GABRG3: variants seen among roughly 807,000 people sequenced by gnomAD.
The protein encoded by GABRG3 is gamma-aminobutyric acid type A receptor subunit gamma3.
Under a neutral mutation model 48.8 loss-of-function variants are expected in GABRG3, and 25 were observed. The ratio of observed to expected loss-of-function variants is 0.51; its 90% CI spans 0.37 to 0.72. The LOEUF (loss-of-function observed/expected upper bound fraction) is 0.72, where lower values mean the gene tolerates loss of function less well. GABRG3 is among the 30% of genes least tolerant of loss of function. The pLI, the probability that GABRG3 is intolerant of heterozygous loss-of-function variation, is 0.00. For synonymous variants in GABRG3, 227 were observed against 217.6 expected (o/e 1.04, Z -0.38); for missense variants, 394 against 577.9 (o/e 0.68, Z 3.26).
chr15:27,402,028 G>A (rs1368158207), intron 5 of GABRG3, among the ~76,000 whole-genome samples: 1 of 152,162 alleles, frequency 6.6e-6, no homozygotes, highest in Non-Finnish European at 1.5e-5. Flanking sequence ...CATTATTACA[G>A]TGATGATTTT....
Position 27,019,635 on chromosome 15 carries a change from T to C in GABRG3, c.203-7119T>C, listed in dbSNP as rs1240089837. Among the ~76,000 whole-genome samples, 5 of 152,094 alleles carry C rather than the reference T, an allele frequency of 3.3e-5. No homozygotes were observed. The South Asian group carries it at 6.2e-4, about 19-fold the overall frequency. ...GAGAGAAGGCAGAACTGAAGGAAGG[T>C]TGGTGATGGGGTGTAGGGGATCCTC... On this transcript the variant is annotated intron_variant, in intron 2 of 9. Transcript: ENST00000615808.
intron 3 of GABRG3, among the ~76,000 whole-genome samples, chr15:27,158,760 A>G (rs1898499585): frequency 6.6e-6 from 1 of 152,208 alleles, no homozygotes; most frequent in African/African-American, 2.4e-5. Context: ...AACCTTCACT[A>G]TTTCCATGAT....
chr15:27,067,088 A>G (rs1380335584), intron 3 of GABRG3, among the ~76,000 whole-genome samples: 1 of 152,216 alleles, frequency 6.6e-6, no homozygotes, highest in East Asian at 1.9e-4. Context: ...AACATAGCAC[A>G]GCCCTGCCCA....
chr15:27,040,874 TTTC>T (rs1280032451), intron 3 of GABRG3, among the ~76,000 whole-genome samples: 2 of 152,320 alleles, frequency 1.3e-5, no homozygotes, highest in East Asian at 1.9e-4. Flanking sequence ...TTGGTTCTCC[TTTC>T]TTCTTCTGAA....
At chr15:27,515,542 T>TA (rs1890999022) in intron 6 of GABRG3, among the ~76,000 whole-genome samples, 2 of 152,250 alleles carry the variant, frequency 1.3e-5, no homozygotes, top group East Asian at 3.9e-4. Flanking sequence ...TCAGAGAGTA[T>TA]TAAGCTTAGG....
At position 27,094,379 on chromosome 15, in the gene GABRG3, T is replaced by G. The variant is rs189488276; in HGVS notation, c.270+67558T>G. Among the ~76,000 whole-genome samples the G allele has an allele frequency of 8.5e-5, 13 of 152,310 alleles. No individual in the cohort carries two copies. In the East Asian group the frequency reaches 2.5e-3, roughly 29 times the overall value. ...GCAGCTTTTTATTGCACCAGCTGCC[T>G]TCTTAAAAAATTGTCTGCCTCCATA... On this transcript the variant is annotated intron_variant, in intron 3 of 9. Transcript: ENST00000615808.
At chr15:27,030,332 G>A (rs1057492002) in intron 3 of GABRG3, among the ~76,000 whole-genome samples, 1 of 152,022 alleles carries the variant, frequency 6.6e-6, no homozygotes, top group African/African-American at 2.4e-5. Flanking sequence ...GCCTTTTATT[G>A]ATATTATTAA....
At chr15:27,061,254 G>A (rs150111640) in intron 3 of GABRG3, among the ~76,000 whole-genome samples, 3 of 152,250 alleles carry the variant, frequency 2.0e-5, no homozygotes, top group Middle Eastern at 3.4e-3. Context: ...CTCTTACATC[G>A]CTGGTGCAGT....
intron 3 of GABRG3, among the ~76,000 whole-genome samples, chr15:27,288,226 G>T (rs1891680974): frequency 6.6e-6 from 1 of 151,876 alleles, no homozygotes; most frequent in South Asian, 2.1e-4. Flanking sequence ...AACCCATTTT[G>T]TGGAAGACAG....
chr15:27,455,053 A>G (rs938104409), intron 5 of GABRG3, among the ~76,000 whole-genome samples: 2 of 152,204 alleles, frequency 1.3e-5, no homozygotes, highest in African/African-American at 4.8e-5. Flanking sequence ...CTCAGTAAAC[A>G]TTTTCCATTA....
Position 27,088,105 on chromosome 15 carries a change from T to TTGTGTGTG in GABRG3, c.270+61299_270+61306dup, listed in dbSNP as rs59358081. Among the ~76,000 whole-genome samples, 21 of 147,368 alleles carry TTGTGTGTG rather than the reference T, an allele frequency of 1.4e-4. No homozygotes were observed. The East Asian group carries it at 2.2e-3, about 15-fold the overall frequency. ...TGTGAGTGTGTGTGATGTGCCGTGG[T>TTGTGTGTG]TGTGTGTGTGTGTGTGTGTGTGCAC... On this transcript the variant is annotated intron_variant, in intron 3 of 9. Transcript: ENST00000615808.
At chr15:27,415,533 G>A (rs1291893123) in intron 5 of GABRG3, among the ~76,000 whole-genome samples, 1 of 152,060 alleles carries the variant, frequency 6.6e-6, no homozygotes, top group Non-Finnish European at 1.5e-5. Flanking sequence ...GGGACCGGGG[G>A]AAAGGGTGGG....
At chr15:27,176,359 T>G (rs1887746189) in intron 3 of GABRG3, among the ~76,000 whole-genome samples, 1 of 152,146 alleles carries the variant, frequency 6.6e-6, no homozygotes, top group African/African-American at 2.4e-5. Flanking sequence ...ATAAAAGTAA[T>G]AGTATTTCTT....
chr15:27,419,286 G>A (rs997250309), intron 5 of GABRG3, among the ~76,000 whole-genome samples: 2 of 151,924 alleles, frequency 1.3e-5, no homozygotes, highest in East Asian at 1.9e-4. Context: ...AGGTACCCAC[G>A]CCACAGCTTT....
At chr15:27,271,638 G>C (rs1208649507) in intron 3 of GABRG3, 1 of 455,852 alleles carries the variant, frequency 2.2e-6, no homozygotes, top group African/African-American at 2.0e-5. Flanking sequence ...TAAGCTGTCT[G>C]TAAGTACCTA....
chr15:27,011,891 A>G (rs989285895), intron 2 of GABRG3, among the ~76,000 whole-genome samples: 2 of 152,200 alleles, frequency 1.3e-5, no homozygotes, highest in Middle Eastern at 3.4e-3. Flanking sequence ...CACCTCTGGA[A>G]AATTGAGGTG....
chr15:27,432,410 CT>C (rs1166284144), intron 5 of GABRG3, among the ~76,000 whole-genome samples: 7 of 152,102 alleles, frequency 4.6e-5, no homozygotes, highest in Non-Finnish European at 8.8e-5. Flanking sequence ...TTTACACTGT[CT>C]TTTACATTTG....
At chr15:27,322,266 C>G (rs1021999743) in intron 3 of GABRG3, among the ~76,000 whole-genome samples, 11 of 152,188 alleles carry the variant, frequency 7.2e-5, no homozygotes, top group African/African-American at 2.7e-4. Context: ...AAGTGGCATT[C>G]ATGGCAAGAT....
At chr15:27,504,083 T>C (rs1890706046) in intron 6 of GABRG3, among the ~76,000 whole-genome samples, 1 of 152,158 alleles carries the variant, frequency 6.6e-6, no homozygotes, top group Admixed American at 6.5e-5. Flanking sequence ...TTTTTTCTTA[T>C]AGGTAACCTG....
Sources: gnomAD v4.1 joint callset for allele counts (sites outside exome capture counted in the v4.1 genomes callset) on GRCh38, gnomAD v4.1.1 for gene constraint, MANE v1.5 for transcripts, NCBI Gene and HGNC (gene_info 2026-07-23, HGNC 2026-07-21) for gene names.